The following CALN1 variants were observed in gnomAD, a reference collection of about 807,000 sequenced individuals.
CALN1 encodes calcium-binding protein 8.
A neutral mutation model predicts 30.6 loss-of-function variants in CALN1; 17 were observed. The ratio of observed to expected loss-of-function variants is 0.56; its 90% confidence interval spans 0.38 to 0.83. The LOEUF (loss-of-function observed/expected upper bound fraction) is 0.83, where lower values mean the gene tolerates loss of function less well. Ranked by LOEUF, CALN1 falls within the 40% of genes least tolerant of loss-of-function variation. The pLI is 0.00. For missense variants in CALN1, 291 were observed against 354.9 expected, an observed-to-expected ratio of 0.82 and a Z score of 1.45; for synonymous variants, 156 against 131.4, an observed-to-expected ratio of 1.19 and a Z score of -1.28.
intron 2 of CALN1, among the ~76,000 whole-genome samples, chr7:72,391,083 G>A (rs2129561407): frequency 6.6e-6 from 1 of 152,254 alleles, no homozygotes; most frequent in East Asian, 1.9e-4. Flanking sequence ...ATATACATAT[G>A]CTGTGTGTTA....
chr7:71,845,653 T>C (rs1219806314), intron 5 of CALN1, among the ~76,000 whole-genome samples: 1 of 152,162 alleles, frequency 6.6e-6, no homozygotes, highest in Non-Finnish European at 1.5e-5. Flanking sequence ...TAGAAATAGA[T>C]ACACTCAGGC....
intron 3 of CALN1, among the ~76,000 whole-genome samples, chr7:72,228,023 C>T (rs555222324): frequency 3.3e-5 from 5 of 152,082 alleles, no homozygotes; most frequent in South Asian, 2.1e-4. Context: ...TTCAGGTTCA[C>T]GGCAAAGCAG....
chr7:72,057,676 T>A (rs1362920213), intron 4 of CALN1, among the ~76,000 whole-genome samples: 3 of 152,048 alleles, frequency 2.0e-5, no homozygotes, highest in African/African-American at 7.2e-5. Flanking sequence ...GAAGATTACA[T>A]GTTATTAAAA....
intron 3 of CALN1, among the ~76,000 whole-genome samples, chr7:72,211,102 C>A (rs1792361261): frequency 6.6e-6 from 1 of 152,018 alleles, no homozygotes; most frequent in Admixed American, 6.6e-5. Flanking sequence ...TTGTGACACT[C>A]CTAATGAAAT....
intron 2 of CALN1, among the ~76,000 whole-genome samples, chr7:72,335,990 G>A (rs912299218): frequency 1.3e-5 from 2 of 152,224 alleles, no homozygotes; most frequent in African/African-American, 4.8e-5. Context: ...AACCCAGACT[G>A]TCCGGGGAAG....
chr7:71,937,706 T>A (rs1020353617), intron 5 of CALN1, among the ~76,000 whole-genome samples: 3 of 152,156 alleles, frequency 2.0e-5, no homozygotes, highest in African/African-American at 7.2e-5. Context: ...CTCAAACTAC[T>A]GGGCTCAAGC....
intron 3 of CALN1, among the ~76,000 whole-genome samples, chr7:72,213,580 C>T (rs923990254): frequency 6.6e-6 from 1 of 152,032 alleles, no homozygotes; most frequent in African/African-American, 2.4e-5. Context: ...AATTACACTT[C>T]AATAAAGCTG....
At chr7:72,002,398 T>C (rs1280480573) in intron 5 of CALN1, among the ~76,000 whole-genome samples, 1 of 152,164 alleles carries the variant, frequency 6.6e-6, no homozygotes, top group African/African-American at 2.4e-5. Context: ...ATTTATTAAA[T>C]ACTATACTGA....
At chr7:72,183,340 C>T (rs746289066) in intron 3 of CALN1, among the ~76,000 whole-genome samples, 5 of 151,750 alleles carry the variant, frequency 3.3e-5, no homozygotes, top group African/African-American at 1.2e-4. Context: ...GGTAGATGGA[C>T]CAAAAGAGAG....
Position 72,193,672 on chromosome 7 carries a change from A to G in CALN1, c.244+85014T>C, listed in dbSNP as rs563974594. The stretch of plus-strand genomic sequence containing the variant: ...TGAATACTGTAGGCAATTGTAGCAC[A>G]GTGGTAAGCATCTATGTATCTCAAT... On this transcript the variant is annotated intron_variant, in intron 3 of 6. Transcript: ENST00000395275. 5.3e-5 allele frequency among the ~76,000 whole-genome samples: 8 copies of G among 152,352 alleles called. No individual in the cohort carries two copies. In the South Asian group the frequency reaches 6.2e-4, roughly 12 times the overall value.
chr7:72,099,214 C>T (rs1387546741), intron 4 of CALN1, among the ~76,000 whole-genome samples: 1 of 151,046 alleles, frequency 6.6e-6, no homozygotes, highest in African/African-American at 2.4e-5. Flanking sequence ...CTGGGGTGTA[C>T]GGACCAGGAG....
At chr7:72,223,583 T>G (rs917458161) in intron 3 of CALN1, among the ~76,000 whole-genome samples, 1 of 152,202 alleles carries the variant, frequency 6.6e-6, no homozygotes. Flanking sequence ...AGGCCTGATG[T>G]GGTCCCTCAC....
At chr7:72,247,809 T>C (rs1350060122) in intron 3 of CALN1, among the ~76,000 whole-genome samples, 2 of 151,990 alleles carry the variant, frequency 1.3e-5, no homozygotes, top group African/African-American at 2.4e-5. Context: ...GCCTGGGCAA[T>C]ACAGCAAGAC....
intron 4 of CALN1, among the ~76,000 whole-genome samples, chr7:72,100,448 C>T (rs1206300683): frequency 6.6e-6 from 1 of 152,098 alleles, no homozygotes; most frequent in Non-Finnish European, 1.5e-5. Context: ...TCCCGAAGTG[C>T]TGGGATTACA....
chr7:72,264,084 C>T (rs1019386740), intron 3 of CALN1, among the ~76,000 whole-genome samples: 8 of 152,128 alleles, frequency 5.3e-5, no homozygotes, highest in Non-Finnish European at 1.0e-4. Flanking sequence ...TCCACACGAC[C>T]GAGCCAAAAC....
chr7:72,487,734 A>AAAGGAAGGAAGG, the CALN1 span, among the ~76,000 whole-genome samples: 1,014 of 56,610 alleles, frequency 0.018, 112 homozygotes, highest in East Asian at 0.11. Context: ...AGAAAGAAAG[A>AAAGGAAGGAAGG]AAGGAAGGAA....
chr7:71,925,471 C>G (rs866769193), intron 5 of CALN1, among the ~76,000 whole-genome samples: 21 of 119,318 alleles, frequency 1.8e-4, no homozygotes, highest in African/African-American at 6.1e-4. Flanking sequence ...TCAAAACCCC[C>G]CTCCTATTTT....
intron 3 of CALN1, among the ~76,000 whole-genome samples, chr7:72,121,412 T>C (rs886984720): frequency 6.8e-6 from 1 of 146,496 alleles, no homozygotes. Context: ...TAATATGTAC[T>C]ATGTATAATA....
At chr7:72,177,527 G>A (rs970695216) in intron 3 of CALN1, among the ~76,000 whole-genome samples, 7 of 152,124 alleles carry the variant, frequency 4.6e-5, no homozygotes, top group African/African-American at 7.2e-5. Context: ...CACTTGGGGA[G>A]GCTGAGAAGG....
Sources: gnomAD v4.1 joint callset for allele counts (sites outside exome capture counted in the v4.1 genomes callset) on GRCh38, gnomAD v4.1.1 for gene constraint, MANE v1.5 for transcripts, NCBI Gene and HGNC (gene_info 2026-07-23, HGNC 2026-07-21) for gene names.